GPATCH8: variants seen among roughly 807,000 people sequenced by gnomAD.
GPATCH8 encodes G patch domain-containing protein 8.
Under a neutral mutation model 118.3 loss-of-function variants are expected in GPATCH8, and 18 were observed. That is an observed-to-expected ratio of 0.15 (90% CI 0.11 to 0.23). The LOEUF (loss-of-function observed/expected upper bound fraction) is 0.23, where lower values mean the gene tolerates loss of function less well. Ranked by LOEUF, GPATCH8 falls within the 10% of genes least tolerant of loss-of-function variation. GPATCH8 has a pLI of 1.00. For synonymous variants in GPATCH8, 659 were observed against 684.7 expected (o/e 0.96, Z 0.59); for missense variants, 1,631 against 1,873.8 (o/e 0.87, Z 2.39).
At chr17:44,421,733 CT>C (rs1205561070) in intron 6 of GPATCH8, among the ~76,000 whole-genome samples, 83 of 138,654 alleles carry the variant, frequency 6.0e-4, no homozygotes, top group Admixed American at 8.0e-4. Context: ...TTTCTTTTTT[CT>C]TTTTTTTTTT....
At chr17:44,429,683 C>A (rs1457681572) in intron 5 of GPATCH8, among the ~76,000 whole-genome samples, 309 of 149,314 alleles carry the variant, frequency 2.1e-3, no homozygotes, top group African/African-American at 7.4e-3. Flanking sequence ...CACACACACA[C>A]ACAAAACAAC....
intron 3 of GPATCH8, among the ~76,000 whole-genome samples, chr17:44,453,226 G>A (rs1380346815): frequency 6.6e-6 from 1 of 152,088 alleles, no homozygotes; most frequent in African/African-American, 2.4e-5. Flanking sequence ...GAGCATTAAG[G>A]CCTTCCACAT....
chr17:44,436,029 CAAAAAAAAAA>C (rs1157048818), intron 4 of GPATCH8, among the ~76,000 whole-genome samples: 5 of 41,832 alleles, frequency 1.2e-4, no homozygotes, highest in Admixed American at 3.5e-4. Context: ...AACTCCATCT[CAAAAAAAAAA>C]AAAAAAAAAA....
rs1397108515 is a variant in GPATCH8, at chr17:44,503,353, G to A, written c.18C>T (p.Ser6=). 6.2e-7 allele frequency: 1 copy of A among 1,610,556 alleles called. No homozygotes were observed. The highest frequency in any genetic ancestry group is 2.2e-5 in the East Asian group (1 of 44,784). Residue 6 remains serine, a synonymous_variant, in exon 1 of 8, where the codon TCC becomes TCT. Transcript: ENST00000591680. ...GAAAGTCTCGGTCTTCGTTGAAGCG[G>A]GAGAAGCGGTCCGCCATTTTGCCGC... MADRF[S]RFNEDRDFQG...
chr17:44,483,214 T>C lies in GPATCH8; in HGVS notation c.46-8311A>G, dbSNP rs180923353. Among the ~76,000 whole-genome samples, 805 of 87,198 alleles carry C rather than the reference T, an allele frequency of 9.2e-3. 38 individuals carry two copies. Among genetic ancestry groups the C allele is most frequent in the African/African-American group, 0.033 (748 of 22,704 alleles). The allele number at this position is 87,198 out of a possible 152,430, so 57.2% of individuals were successfully genotyped here. On this transcript the variant is annotated intron_variant, in intron 1 of 7. Coordinates refer to ENST00000591680, the MANE Select transcript of GPATCH8 (RefSeq NM_001002909.4). ...ATATATATATATATATATATATATA[T>C]ATACAGCCTACCTCTCATATCTCTT...
At chr17:44,402,383 T>C (rs990920671) in intron 7 of GPATCH8, among the ~76,000 whole-genome samples, 1 of 151,604 alleles carries the variant, frequency 6.6e-6, no homozygotes, top group Non-Finnish European at 1.5e-5. Context: ...TAGCCCATCA[T>C]TACTATGTTT....
rs779940842 is a variant in GPATCH8 at position 44,397,808 on chromosome 17, G to A, written c.4269C>T (p.His1423=). The change falls in exon 8 of 8, where the codon CAC becomes CAT. Residue 1423 remains histidine (H), a synonymous_variant. Transcript: ENST00000591680. ...TGGCAGGGTGGCCAGGGATGATTGAGTGAGTGAGGTGGGACAAAGAAATGG... is the reference window on the plus strand; with the variant it reads ...TGGCAGGGTGGCCAGGGATGATTGAATGAGTGAGGTGGGACAAAGAAATGG... ...LTPISLSHLT[H]SIIPGHPATF... is the part of the protein sequence containing the mutation. 5 of 1,586,898 alleles carry A rather than the reference G, an allele frequency of 3.2e-6. No homozygotes were observed. In the Admixed American group the frequency reaches 6.8e-5, roughly 22 times the overall value.
intron 3 of GPATCH8, among the ~76,000 whole-genome samples, chr17:44,439,497 G>T (rs1296150860): frequency 6.6e-6 from 1 of 152,138 alleles, no homozygotes; most frequent in Non-Finnish European, 1.5e-5. Context: ...TCTTGAAGGT[G>T]ACATTATTGC....
chr17:44,494,475 C>G (rs1969512174), intron 1 of GPATCH8, among the ~76,000 whole-genome samples: 1 of 152,108 alleles, frequency 6.6e-6, no homozygotes, highest in African/African-American at 2.4e-5. Context: ...ACCTGTAATC[C>G]CAGCTACTTG....
chr17:44,442,713 C>A (rs2050744571), intron 3 of GPATCH8, among the ~76,000 whole-genome samples: 1 of 152,230 alleles, frequency 6.6e-6, no homozygotes. Flanking sequence ...GATCTGCTCA[C>A]CTCAGCCTCC....
chr17:44,397,160 C>T lies in GPATCH8; in HGVS notation c.*408G>A, dbSNP rs1319953607. The T allele has an allele frequency of 1.1e-5, 5 of 458,074 alleles. No individual in the cohort carries two copies. Among genetic ancestry groups the T allele is most frequent in the Admixed American group, 7.0e-5 (3 of 42,660 alleles). 28.4% of individuals were successfully genotyped at this position (458,074 alleles called of 1,614,324 possible). A position where few individuals can be genotyped will look rare whatever the true frequency, so the allele number is the denominator to read the frequency against. On this transcript the variant is annotated 3_prime_UTR_variant, in exon 8 of 8. Coordinates refer to ENST00000591680, the MANE Select transcript of GPATCH8 (RefSeq NM_001002909.4). ...GAGAAGGCAAGACCAGATGGGCCCA[C>T]AGCAAGTGCTCTGGTGACAACCCAC...
At chr17:44,461,716 C>A (rs892889499) in intron 3 of GPATCH8, among the ~76,000 whole-genome samples, 1 of 150,734 alleles carries the variant, frequency 6.6e-6, no homozygotes, top group East Asian at 2.0e-4. Context: ...GTGTGTGAGA[C>A]AGAGTCTCAC....
intron 5 of GPATCH8, among the ~76,000 whole-genome samples, chr17:44,433,592 C>T (rs1366498428): frequency 6.6e-6 from 1 of 152,154 alleles, no homozygotes; most frequent in East Asian, 1.9e-4. Context: ...TAAGCTAAAA[C>T]CCAAAGGAGA....
chr17:44,456,551 G>A (rs897960074), intron 3 of GPATCH8, among the ~76,000 whole-genome samples: 13 of 152,062 alleles, frequency 8.5e-5, no homozygotes, highest in African/African-American at 2.2e-4. Context: ...TAAGCACAAG[G>A]TGGGAAGACT....
intron 1 of GPATCH8, among the ~76,000 whole-genome samples, chr17:44,485,684 C>T (rs80179843): frequency 1.3e-5 from 2 of 152,280 alleles, no homozygotes; most frequent in East Asian, 3.9e-4. Flanking sequence ...GCCCTAAGAC[C>T]AACTCACTTA....
At chr17:44,483,179 ATATATATATAT>A (rs1382646423) in intron 1 of GPATCH8, among the ~76,000 whole-genome samples, 235 of 19,988 alleles carry the variant, frequency 0.012, 25 homozygotes, top group African/African-American at 0.016. Flanking sequence ...AAAAAAAAAT[ATATATATATAT>A]ATATATATAT....
At chr17:44,469,330 T>C (rs1436571506) in intron 2 of GPATCH8, among the ~76,000 whole-genome samples, 2 of 152,206 alleles carry the variant, frequency 1.3e-5, no homozygotes. Flanking sequence ...GTAGAAACTT[T>C]CTGCTCCATG....
At chr17:44,489,114 T>C (rs1250289868) in intron 1 of GPATCH8, among the ~76,000 whole-genome samples, 2 of 151,980 alleles carry the variant, frequency 1.3e-5, no homozygotes, top group African/African-American at 4.8e-5. Flanking sequence ...CTTCCAGTTA[T>C]GGAATAATCT....
chr17:44,483,179 ATATATAT>A lies in GPATCH8; in HGVS notation c.46-8283_46-8277del, dbSNP rs1568055915. Among the ~76,000 whole-genome samples the A allele has an allele frequency of 8.1e-3, 161 of 19,994 alleles. 14 individuals are homozygous for A. The highest frequency in any genetic ancestry group is 0.015 in the African/African-American group (65 of 4,372). 13.1% of individuals were successfully genotyped at this position (19,994 alleles called of 152,430 possible). A position where few individuals can be genotyped will look rare whatever the true frequency, so the allele number is the denominator to read the frequency against. On this transcript the variant is annotated intron_variant, in intron 1 of 7. Transcript: ENST00000591680. ...CAAAAAAAAAAAAAAAAAAAAAAAT[ATATATAT>A]ATATATATATATATATATATATATA...
Sources: allele counts gnomAD v4.1 joint callset (sites outside exome capture counted in the v4.1 genomes callset), GRCh38; gene constraint gnomAD v4.1.1; transcripts MANE v1.5; gene names NCBI Gene and HGNC (gene_info 2026-07-23, HGNC 2026-07-21).